Variants in FRMD4A observed in about 807,000 individuals in gnomAD.
The protein encoded by FRMD4A is FERM domain containing 4A.
Under a neutral mutation model 129.1 loss-of-function variants are expected in FRMD4A, and 29 were observed. That is an observed-to-expected ratio of 0.22 (90% CI 0.17 to 0.31). The LOEUF (loss-of-function observed/expected upper bound fraction) is 0.31, where lower values mean the gene tolerates loss of function less well. FRMD4A is among the 10% of genes least tolerant of loss of function. The probability of loss-of-function intolerance (pLI) is 1.00; values close to 1 mark genes in which losing one functional copy is unlikely to be tolerated. For synonymous variants in FRMD4A, 634 were observed against 571.6 expected (o/e 1.11, Z -1.56); for missense variants, 1,272 against 1,375.8 (o/e 0.92, Z 1.19).
chr10:14,058,034 A>C (rs1014481707), intron 2 of FRMD4A, among the ~76,000 whole-genome samples: 2 of 152,242 alleles, frequency 1.3e-5, no homozygotes, highest in Non-Finnish European at 2.9e-5. Context: ...AAGTAAAACC[A>C]TTCATTAATT....
intron 2 of FRMD4A, among the ~76,000 whole-genome samples, chr10:14,312,351 C>T (rs1279668820): frequency 6.6e-6 from 1 of 152,142 alleles, no homozygotes; most frequent in African/African-American, 2.4e-5. Flanking sequence ...TCTGATCAGC[C>T]TATTAGAATC....
chr10:13,684,259 A>T, intron 15 of FRMD4A: 1 of 928,216 alleles, frequency 1.1e-6, no homozygotes, highest in South Asian at 5.0e-5. Context: ...GAGGAAGACA[A>T]AAAGGGCTGA....
At position 13,923,630 on chromosome 10, in the gene FRMD4A, T is replaced by C. The variant is rs564393120; in HGVS notation, c.46-64718A>G. ...TTTTTTAAAGAACAGCTATACCACATGTAATGCCTCACACCGAGTTCAAGG... is the reference window on the plus strand; with the variant it reads ...TTTTTTAAAGAACAGCTATACCACACGTAATGCCTCACACCGAGTTCAAGG... On this transcript the variant is annotated intron_variant, in intron 2 of 24. Coordinates refer to ENST00000357447, the MANE Select transcript of FRMD4A (RefSeq NM_018027.5). Among the ~76,000 whole-genome samples, 1,022 of 152,354 alleles carry C rather than the reference T, an allele frequency of 6.7e-3. 16 individuals carry two copies. Among genetic ancestry groups the C allele is most frequent in the African/African-American group, 0.023 (971 of 41,586 alleles).
At chr10:13,740,961 G>A (rs1335869817) in intron 9 of FRMD4A, among the ~76,000 whole-genome samples, 3 of 151,732 alleles carry the variant, frequency 2.0e-5, no homozygotes, top group Admixed American at 2.0e-4. Flanking sequence ...AGAGTAGCTG[G>A]GACTACAGGT....
At chr10:13,701,524 G>A in intron 13 of FRMD4A, 46 bp from the exon 14 acceptor site, 4 of 1,576,188 alleles carry the variant, frequency 2.5e-6, no homozygotes, top group Non-Finnish European at 3.5e-6. Flanking sequence ...TCTGTTGAGA[G>A]AAACCATTTC....
rs543404863 is a variant in FRMD4A at position 13,649,857 on chromosome 10, G to C, written c.*2+2046C>G. Among the ~76,000 whole-genome samples, 5 of 152,308 alleles carry C rather than the reference G, an allele frequency of 3.3e-5. No individual in the cohort carries two copies. The South Asian group carries it at 1.0e-3, about 32-fold the overall frequency. On this transcript the variant is annotated intron_variant, in intron 24 of 24. Transcript: ENST00000357447. The stretch of plus-strand genomic sequence containing the variant: ...ATAATACAAATGGGGCCACTAAATA[G>C]TTGCCCTAGTAAAAACCTAAAAACC...
chr10:13,880,332 C>CA, intron 2 of FRMD4A, among the ~76,000 whole-genome samples: 1 of 152,310 alleles, frequency 6.6e-6, no homozygotes, highest in Non-Finnish European at 1.5e-5. Flanking sequence ...TCACATATCC[C>CA]ACACTGAACC....
Position 14,067,770 on chromosome 10 carries a change from T to C in FRMD4A, c.46-208858A>G, listed in dbSNP as rs533835518. ...AGGTGGAGGTTGCAGTGAGCAGAGA[T>C]TGTGCAACTGCACTCCAGCCTGGGT... On this transcript the variant is annotated intron_variant, in intron 2 of 24. Coordinates refer to ENST00000357447, the MANE Select transcript of FRMD4A (RefSeq NM_018027.5). 8.6e-5 allele frequency among the ~76,000 whole-genome samples: 13 copies of C among 152,018 alleles called. No homozygotes were observed. The East Asian group carries it at 1.2e-3, about 14-fold the overall frequency.
intron 2 of FRMD4A, among the ~76,000 whole-genome samples, chr10:14,088,824 C>G (rs902815397): frequency 1.3e-5 from 2 of 150,426 alleles, no homozygotes; most frequent in Non-Finnish European, 3.0e-5. Flanking sequence ...ATCACTTCCA[C>G]TCAAATCCTG....
At chr10:14,298,709 G>T (rs867970) in intron 2 of FRMD4A, among the ~76,000 whole-genome samples, 1 of 152,070 alleles carries the variant, frequency 6.6e-6, no homozygotes, top group African/African-American at 2.4e-5. Context: ...ATCTGTGTTC[G>T]TGGCCTTTCT....
chr10:14,252,583 A>T (rs1325924326), intron 2 of FRMD4A, among the ~76,000 whole-genome samples: 1 of 152,148 alleles, frequency 6.6e-6, no homozygotes, highest in Non-Finnish European at 1.5e-5. Flanking sequence ...GCAGGAGTAC[A>T]CTCTGGAAAT....
intron 2 of FRMD4A, among the ~76,000 whole-genome samples, chr10:14,196,327 C>T (rs2131931898): frequency 6.6e-6 from 1 of 152,292 alleles, no homozygotes; most frequent in Non-Finnish European, 1.5e-5. Flanking sequence ...AAGGACTGAT[C>T]CCAGAGTCTC....
chr10:13,746,377 AT>A (rs368884649), intron 9 of FRMD4A, among the ~76,000 whole-genome samples: 2,718 of 151,436 alleles, frequency 0.018, 76 homozygotes, highest in African/African-American at 0.062. Context: ...TGTCCAGCTA[AT>A]TTTTTTTTGT....
At chr10:14,213,515 C>A (rs1374060246) in intron 2 of FRMD4A, among the ~76,000 whole-genome samples, 1 of 152,148 alleles carries the variant, frequency 6.6e-6, no homozygotes, top group Non-Finnish European at 1.5e-5. Flanking sequence ...TTTAACACCA[C>A]CAAAGATTCT....
At chr10:13,871,108 A>T in intron 2 of FRMD4A, 1 of 161,622 alleles carries the variant, frequency 6.2e-6, no homozygotes. Context: ...TGTTCCTATG[A>T]AAGGACATAA....
intron 2 of FRMD4A, chr10:13,890,416 C>T (rs1044593460): frequency 7.9e-6 from 4 of 503,720 alleles, no homozygotes; most frequent in Non-Finnish European, 1.0e-5. Flanking sequence ...AGCAGTTTGT[C>T]CCGGGCTCTC....
chr10:13,840,180 G>C (rs2093940333), intron 3 of FRMD4A, among the ~76,000 whole-genome samples: 1 of 152,164 alleles, frequency 6.6e-6, no homozygotes, highest in Non-Finnish European at 1.5e-5. Flanking sequence ...TTTGGAGATA[G>C]GATCTTTAGG....
intron 2 of FRMD4A, among the ~76,000 whole-genome samples, chr10:14,023,433 A>G (rs1428782493): frequency 1.3e-5 from 2 of 152,324 alleles, no homozygotes; most frequent in Admixed American, 6.5e-5. Context: ...AGAAAGCGCC[A>G]ACCTTCCATA....
chr10:13,822,650 G>C (rs2093646729), intron 3 of FRMD4A, among the ~76,000 whole-genome samples: 1 of 152,218 alleles, frequency 6.6e-6, no homozygotes, highest in Non-Finnish European at 1.5e-5. Context: ...GCTGCACAGA[G>C]CCAGATGGGA....
Sources: gnomAD v4.1 joint callset for allele counts (sites outside exome capture counted in the v4.1 genomes callset) on GRCh38, gnomAD v4.1.1 for gene constraint, MANE v1.5 for transcripts, NCBI Gene and HGNC (gene_info 2026-07-23, HGNC 2026-07-21) for gene names.